The following SKOR2 variants were observed in gnomAD, a reference collection of about 807,000 sequenced individuals.
The protein encoded by SKOR2 is SKI family transcriptional corepressor 2.
SKOR2 carries 47 observed loss-of-function variants against 69.1 expected under a neutral mutation model. The ratio of observed to expected loss-of-function variants is 0.68; its 90% CI spans 0.54 to 0.87. The LOEUF is 0.87. SKOR2 is among the 40% of genes least tolerant of loss of function. The pLI, the probability that SKOR2 is intolerant of heterozygous loss-of-function variation, is 0.00. For missense variants in SKOR2, 1,404 were observed against 1,472.2 expected, an observed-to-expected ratio of 0.95 and a Z score of 0.76; for synonymous variants, 717 against 672.6, an observed-to-expected ratio of 1.07 and a Z score of -1.02.
rs1454874753 is a variant in SKOR2 at position 47,248,785 on chromosome 18, T to G, written c.399A>C (p.Glu133Asp). The change falls in exon 2 of 9, where the codon GAA becomes GAC. Residue 133 changes from glutamate (E) to aspartate (D), a missense_variant. By Grantham distance (45) the Glu-to-Asp change is conservative. Transcript: ENST00000425639. The surrounding 1 kb of genome is among the most constrained non-coding windows in gnomAD (Gnocchi z 6.4). ...AERLCKSFLGENRPPKLPDNF... is the reference protein window; with the variant it reads ...AERLCKSFLGDNRPPKLPDNF... ...TGTCTGGCAGCTTGGGCGGCCTGTT[T>G]TCGCCCAGGAACGACTTGCACAGAC... is the stretch of plus-strand genomic sequence containing the variant. The G allele has an allele frequency of 6.4e-7, 1 of 1,551,642 alleles. No homozygotes were observed.
intron 6 of SKOR2, among the ~76,000 whole-genome samples, chr18:47,227,425 C>T (rs1353234865): frequency 6.8e-6 from 1 of 146,862 alleles, no homozygotes; most frequent in East Asian, 2.0e-4. Flanking sequence ...GCAACCTCTG[C>T]CTCCCGGGTT....
chr18:47,244,870 A>T, intron 4 of SKOR2, 38 bp downstream of exon 4: 1 of 1,510,450 alleles, frequency 6.6e-7, no homozygotes, highest in East Asian at 2.5e-5. Flanking sequence ...TCTCCCTGTC[A>T]TCTGACTATT....
Position 47,251,023 on chromosome 18 carries a change from C to CAGAAGT in SKOR2, c.-48+350_-48+351insACTTCT, listed in dbSNP as rs2064310224. Among the ~76,000 whole-genome samples the CAGAAGT allele has an allele frequency of 2.2e-4, 33 of 150,834 alleles. 1 individual carries two copies. The South Asian group carries it at 6.9e-3, about 32-fold the overall frequency. ...CGTTAAGGACTCGCAGCCTTAGCAG[C>CAGAAGT]AGTAGACCAGGCAGAAGTGTCTCCT... On this transcript the variant is annotated intron_variant, in intron 1 of 8. Coordinates refer to ENST00000425639, the MANE Select transcript of SKOR2 (RefSeq NM_001278063.4).
intron 6 of SKOR2, among the ~76,000 whole-genome samples, chr18:47,223,782 G>T (rs2064169284): frequency 6.6e-6 from 1 of 151,766 alleles, no homozygotes; most frequent in African/African-American, 2.4e-5. Flanking sequence ...GGTGATTTTT[G>T]TTTCCTTTCC....
rs112951028 is a variant in SKOR2, at chr18:47,213,205, G to A, written c.2986-1054C>T. Reference sequence around the variant, plus strand: ...TAAGGTGCTCTATCCTTATGTTACCGACCTTCATCATTACAAGGCTAAACT... The same window carrying A: ...TAAGGTGCTCTATCCTTATGTTACCAACCTTCATCATTACAAGGCTAAACT... On this transcript the variant is annotated intron_variant, in intron 7 of 8. Transcript: ENST00000425639. Among the ~76,000 whole-genome samples, 5 of 151,656 alleles carry A rather than the reference G, an allele frequency of 3.3e-5. 1 individual carries two copies. The highest frequency in any genetic ancestry group is 1.9e-4 in the East Asian group (1 of 5,168).
chr18:47,226,207 T>C (rs907847854), intron 6 of SKOR2, among the ~76,000 whole-genome samples: 1 of 152,042 alleles, frequency 6.6e-6, no homozygotes, highest in African/African-American at 2.4e-5. Context: ...AAGGAAGGCA[T>C]AGGGTGCTGG....
intron 4 of SKOR2, among the ~76,000 whole-genome samples, chr18:47,232,649 G>A (rs1023172888): frequency 2.0e-5 from 3 of 152,184 alleles, no homozygotes; most frequent in Admixed American, 6.5e-5. Flanking sequence ...AGTGGGCCAT[G>A]TGTTACTTGG....
At chr18:47,222,325 A>G (rs2144487552) in intron 6 of SKOR2, among the ~76,000 whole-genome samples, 1 of 152,262 alleles carries the variant, frequency 6.6e-6, no homozygotes, top group African/African-American at 2.4e-5. Context: ...CAAAAAAAAA[A>G]AAAAGAAAAA....
rs1048743661 is a variant in SKOR2, at chr18:47,248,914, C to T, written c.270G>A (p.Thr90=). 2.5e-6 allele frequency: 4 copies of T among 1,573,226 alleles called. No individual in the cohort carries two copies. The highest frequency in any genetic ancestry group is 2.3e-5 in the East Asian group (1 of 43,618). ...GTTGCACCGGCGTGCACTGCACACA[C>T]GTGATGCCCAGTGCCACGCGACGGT... is the stretch of plus-strand genomic sequence containing the variant. ...IHNRRVALGI[T]CVQCTPVQLE... is the part of the protein sequence containing the mutation. Residue 90 remains threonine (T), a synonymous_variant, in exon 2 of 9, where the codon ACG becomes ACA. Transcript: ENST00000425639. This position sits in a 1 kb window ranked among gnomAD's most constrained non-coding sequence, Gnocchi z 6.4.
intron 6 of SKOR2, among the ~76,000 whole-genome samples, chr18:47,221,324 T>C (rs1485579016): frequency 6.6e-6 from 1 of 152,172 alleles, no homozygotes; most frequent in Non-Finnish European, 1.5e-5. Context: ...ATGCAAAGAT[T>C]GAGAGAAGAG....
rs1218156711 is a variant in SKOR2, at chr18:47,247,867, T to C, written c.1317A>G (p.Ala439=). 7.4e-7 allele frequency: 1 copy of C among 1,357,012 alleles called. No individual in the cohort carries two copies. Among genetic ancestry groups the C allele is most frequent in the Non-Finnish European group, 9.4e-7 (1 of 1,065,114 alleles). 84.1% of individuals were successfully genotyped at this position (1,357,012 alleles called of 1,614,324 possible). A position where few individuals can be genotyped will look rare whatever the true frequency, so the allele number is the denominator to read the frequency against. ...AAAEALGGAG[A]GGAGAAPKAG... ...CCTTGGGCGCCGCGCCCGCGCCGCC[T>C]GCGCCCGCGCCCCCCAGGGCCTCAG... The change falls in exon 2 of 9, where the codon GCA becomes GCG. Residue 439 remains alanine, a synonymous_variant. Transcript: ENST00000425639. This position sits in a 1 kb window ranked among gnomAD's most constrained non-coding sequence, Gnocchi z 6.6.
intron 6 of SKOR2, among the ~76,000 whole-genome samples, chr18:47,227,293 C>CTCAT (rs1235742670): frequency 6.7e-6 from 1 of 150,142 alleles, no homozygotes; most frequent in Non-Finnish European, 1.5e-5. Context: ...TCCTGTGGTC[C>CTCAT]TCATTAACCC....
chr18:47,237,792 G>A (rs1053844003), intron 4 of SKOR2, among the ~76,000 whole-genome samples: 3 of 151,398 alleles, frequency 2.0e-5, no homozygotes, highest in African/African-American at 7.3e-5. Context: ...GTCCTTCTGG[G>A]CTCATGCGAT....
chr18:47,250,609 T>A (rs1441042374), intron 1 of SKOR2, among the ~76,000 whole-genome samples: 2 of 152,198 alleles, frequency 1.3e-5, no homozygotes, highest in African/African-American at 4.8e-5. Context: ...CTCACCCAAT[T>A]TCTTATCCGT....
At chr18:47,212,273 G>A in intron 7 of SKOR2, 122 bp from the exon 8 acceptor site, 1 of 870,070 alleles carries the variant, frequency 1.1e-6, no homozygotes. Context: ...AAAAAAAGAG[G>A]TCTCCATCTG....
At chr18:47,230,132 T>TA (rs1390477353) in intron 6 of SKOR2, among the ~76,000 whole-genome samples, 1 of 151,960 alleles carries the variant, frequency 6.6e-6, no homozygotes, top group African/African-American at 2.4e-5. Context: ...TCTTTTGTTT[T>TA]AAAATCTATA....
chr18:47,239,734 TAAAC>T (rs1021469362), intron 4 of SKOR2, among the ~76,000 whole-genome samples: 3 of 152,158 alleles, frequency 2.0e-5, no homozygotes, highest in African/African-American at 4.8e-5. Flanking sequence ...TAAATAAAAA[TAAAC>T]AAATATCTGA....
intron 6 of SKOR2, among the ~76,000 whole-genome samples, chr18:47,227,902 C>T (rs2064184296): frequency 6.6e-6 from 1 of 152,182 alleles, no homozygotes; most frequent in Admixed American, 6.5e-5. Flanking sequence ...ATTTTTGAGC[C>T]TAGATTCTTA....
At chr18:47,246,546 G>T in intron 2 of SKOR2, 25 bp downstream of exon 2, 1 of 1,485,974 alleles carries the variant, frequency 6.7e-7, no homozygotes, top group South Asian at 1.3e-5. Flanking sequence ...TAATTAGCTT[G>T]AAGGAGCCTA....
Sources: allele counts gnomAD v4.1 joint callset (sites outside exome capture counted in the v4.1 genomes callset), GRCh38; gene constraint gnomAD v4.1.1; non-coding constraint Gnocchi (gnomAD v3.1); transcripts MANE v1.5; gene names NCBI Gene and HGNC (gene_info 2026-07-23, HGNC 2026-07-21).